AMPD3: variants seen among roughly 807,000 people sequenced by gnomAD.
AMPD3 encodes the protein adenosine monophosphate deaminase 3.
A neutral mutation model predicts 82.3 loss-of-function variants in AMPD3; 57 were observed. The ratio of observed to expected loss-of-function variants is 0.69; its 90% CI spans 0.56 to 0.86. The LOEUF (loss-of-function observed/expected upper bound fraction) is 0.86, where lower values mean the gene tolerates loss of function less well. AMPD3 is among the 40% of genes least tolerant of loss of function. The pLI, the probability that AMPD3 is intolerant of heterozygous loss-of-function variation, is 0.00. For missense variants in AMPD3, 870 were observed against 1,003.8 expected (o/e 0.87, Z 1.80); for synonymous variants, 381 against 394.7 (o/e 0.97, Z 0.41).
chr11:10,502,695 A>C, intron 12 of AMPD3, 26 bp from the exon 13 acceptor site: 1 of 1,613,426 alleles, frequency 6.2e-7, no homozygotes, highest in Non-Finnish European at 8.5e-7. Context: ...GGCACTTGTC[A>C]CATGAGTTCG....
At position 10,487,882 on chromosome 11, in the gene AMPD3, C is replaced by T. The variant is rs539792011; in HGVS notation, c.939+518C>T. 8.5e-5 allele frequency among the ~76,000 whole-genome samples: 13 copies of T among 152,170 alleles called. No individual in the cohort carries two copies. The East Asian group carries it at 1.5e-3, about 18-fold the overall frequency. ...CCAGCTGGGCTTAATACCTAGGTGA[C>T]GGGTTGATAGGTGCAGCAAACCACC... On this transcript the variant is annotated intron_variant, in intron 6 of 14. Transcript: ENST00000396553.
rs776027946 is a variant in AMPD3, at chr11:10,504,507, A to T, written c.2017-42A>T. On this transcript the variant is annotated intron_variant, in intron 13 of 14. Coordinates refer to ENST00000396553, the MANE Select transcript of AMPD3 (RefSeq NM_001025389.2). Reference sequence around the variant, plus strand: ...GGACATGTGTGAACGATTGACATGGATATCCCCCCTTCTAATCCACATGCT... The same window carrying T: ...GGACATGTGTGAACGATTGACATGGTTATCCCCCCTTCTAATCCACATGCT... 33 of 1,572,572 alleles carry T rather than the reference A, an allele frequency of 2.1e-5. No individual in the cohort carries two copies. The East Asian group carries it at 7.2e-4, about 34-fold the overall frequency.
At position 10,504,544 on chromosome 11, in the gene AMPD3, T is replaced by C. The variant is rs777527227; in HGVS notation, c.2017-5T>C. On this transcript the variant is annotated splice_region_variant and splice_polypyrimidine_tract_variant and intron_variant, in intron 13 of 14. Coordinates refer to ENST00000396553, the MANE Select transcript of AMPD3 (RefSeq NM_001025389.2). ...CTAATCCACATGCTTTGGGGGAGGA[T>C]CTAGGAAGCACTTATGGAAGAATAT... The C allele has an allele frequency of 5.0e-6, 8 of 1,613,510 alleles. No individual in the cohort carries two copies. The highest frequency in any genetic ancestry group is 6.8e-6 in the Non-Finnish European group (8 of 1,179,548).
At position 10,461,576 on chromosome 11, in the gene AMPD3, C is replaced by A; in HGVS notation, c.57C>A (p.Leu19=). The A allele has an allele frequency of 6.2e-7, 1 of 1,614,214 alleles. No individual in the cohort carries two copies. The highest frequency in any genetic ancestry group is 1.1e-5 in the South Asian group (1 of 91,090). The change falls in exon 2 of 15, where the codon CTC becomes CTA. Residue 19 remains leucine (L), a synonymous_variant. Transcript: ENST00000396553. The stretch of plus-strand genomic sequence containing the variant: ...CTGAAGTGGATGAGCAAGTCCGGCT[C>A]CTGGCGGAGAAGGTGTTTGCTAAAG... ...NISEVDEQVR[L]LAEKVFAKVL...
At chr11:10,455,612 C>T (rs1848070114) in intron 1 of AMPD3, among the ~76,000 whole-genome samples, 164 bp downstream of exon 1, 1 of 152,172 alleles carries the variant, frequency 6.6e-6, no homozygotes, top group Non-Finnish European at 1.5e-5. Flanking sequence ...TGGGATGGGG[C>T]TGTCAGCTTT....
intron 2 of AMPD3, chr11:10,477,864 C>G: frequency 1.0e-6 from 1 of 985,280 alleles, no homozygotes; most frequent in Non-Finnish European, 1.2e-6. Flanking sequence ...TGCAGATCTC[C>G]TTGGCACCCA....
At chr11:10,486,153 G>A (rs1849062658) in intron 5 of AMPD3, among the ~76,000 whole-genome samples, 1 of 152,160 alleles carries the variant, frequency 6.6e-6, no homozygotes, top group Non-Finnish European at 1.5e-5. Flanking sequence ...TGTCCCATCT[G>A]GGAGGCTGTG....
In AMPD3 at chr11:10,501,630, C is replaced by T. The variant is rs761928234; in HGVS notation, c.1842+40C>T. ...CTCGGGAGCCCGTCCTGAGTGACTG[C>T]CCTGCCCTGGGCTCCTGGGAGGCTC... On this transcript the variant is annotated intron_variant, in intron 12 of 14. Coordinates refer to ENST00000396553, the MANE Select transcript of AMPD3 (RefSeq NM_001025389.2). The T allele has an allele frequency of 2.5e-6, 4 of 1,613,970 alleles. No individual in the cohort carries two copies. In the South Asian group the frequency reaches 4.4e-5, roughly 18 times the overall value.
intron 7 of AMPD3, 91 bp from the exon 8 acceptor site, chr11:10,494,808 A>G: frequency 6.3e-7 from 1 of 1,581,094 alleles, no homozygotes; most frequent in Non-Finnish European, 8.7e-7. Context: ...CGGTGTGGCC[A>G]TACAGAAGGC....
upstream of AMPD3, chr11:10,451,182 G>A (rs989167765): frequency 4.8e-6 from 7 of 1,472,772 alleles, no homozygotes; most frequent in Non-Finnish European, 6.3e-6. Flanking sequence ...CGCTGACTCC[G>A]GTCCGATCCC....
At chr11:10,496,257 G>A in intron 9 of AMPD3, 1 of 985,394 alleles carries the variant, frequency 1.0e-6, no homozygotes, top group Non-Finnish European at 1.2e-6. Flanking sequence ...GATGTGCAAA[G>A]GCCTTGGGGG....
chr11:10,477,360 A>G (rs1848770715), intron 2 of AMPD3, among the ~76,000 whole-genome samples: 1 of 152,172 alleles, frequency 6.6e-6, no homozygotes, highest in Non-Finnish European at 1.5e-5. Context: ...CTGGCATTTG[A>G]CACTGTGGGA....
intron 9 of AMPD3, chr11:10,496,340 G>T: frequency 2.0e-6 from 2 of 985,414 alleles, no homozygotes; most frequent in Non-Finnish European, 1.2e-6. Flanking sequence ...CAGGGTATGG[G>T]GAGAGCTGTA....
At chr11:10,494,634 G>C in intron 7 of AMPD3, 1 of 985,430 alleles carries the variant, frequency 1.0e-6, no homozygotes, top group Non-Finnish European at 1.2e-6. Flanking sequence ...CACTAAGTCA[G>C]CCATGTCCTG....
chr11:10,504,699 A>G (rs1849669077), intron 14 of AMPD3, 40 bp downstream of exon 14: 1 of 1,579,174 alleles, frequency 6.3e-7, no homozygotes, highest in Non-Finnish European at 8.7e-7. Flanking sequence ...CCTCCTGGGA[A>G]GGCTGCCTGC....
intron 2 of AMPD3, chr11:10,473,368 T>C (rs750211325): frequency 1.0e-6 from 1 of 984,690 alleles, no homozygotes; most frequent in Non-Finnish European, 1.2e-6. Context: ...TCCAGGTCTT[T>C]AGGGAGGAAG....
chr11:10,479,169 A>C (rs1848831725), intron 3 of AMPD3, among the ~76,000 whole-genome samples: 1 of 152,262 alleles, frequency 6.6e-6, no homozygotes, highest in African/African-American at 2.4e-5. Context: ...AATACCCTTA[A>C]ATATAGGCTA....
intron 1 of AMPD3, chr11:10,455,852 C>T (rs532308843): frequency 5.3e-5 from 51 of 958,010 alleles, no homozygotes; most frequent in South Asian, 1.9e-4. Flanking sequence ...AGAGGCAGGT[C>T]GGGCTGTACC....
intron 6 of AMPD3, among the ~76,000 whole-genome samples, chr11:10,492,168 TTGCTGGGCTCCTTC>T (rs1189495451): frequency 6.6e-6 from 1 of 152,244 alleles, no homozygotes; most frequent in Admixed American, 6.5e-5. Flanking sequence ...TTTTGAGACC[TTGCTGGGCTCCTTC>T]TGCAAAGGTG....
Sources: gnomAD v4.1 joint callset for allele counts (sites outside exome capture counted in the v4.1 genomes callset) on GRCh38, gnomAD v4.1.1 for gene constraint, MANE v1.5 for transcripts, NCBI Gene and HGNC (gene_info 2026-07-23, HGNC 2026-07-21) for gene names.